Variants in KAT7 observed in about 807,000 individuals in gnomAD.
KAT7 encodes histone acetyltransferase KAT7.
In KAT7, 10 loss-of-function variants were observed where a neutral mutation model predicts 82.1. That is an observed-to-expected ratio of 0.12 (90% confidence interval 0.08 to 0.21). KAT7 has a LOEUF of 0.21. KAT7 is among the 10% of genes least tolerant of loss of function. The pLI is 1.00. For missense variants in KAT7, 378 were observed against 760.9 expected (o/e 0.50, Z 5.92); for synonymous variants, 250 against 262.5 (o/e 0.95, Z 0.46).
At chr17:49,801,221 A>G (rs773068166) in intron 4 of KAT7, among the ~76,000 whole-genome samples, 4 of 152,156 alleles carry the variant, frequency 2.6e-5, no homozygotes, top group Non-Finnish European at 2.9e-5. Context: ...GTCTCACTCT[A>G]TAATTACCAG....
chr17:49,809,345 G>T, intron 6 of KAT7, 137 bp downstream of exon 6: 1 of 645,876 alleles, frequency 1.5e-6, no homozygotes, highest in East Asian at 2.8e-5. Context: ...AATCATGTTT[G>T]TTTTTCAAAC....
chr17:49,788,974 A>T (rs2073845591), intron 1 of KAT7, 125 bp downstream of exon 1: 1 of 899,540 alleles, frequency 1.1e-6, no homozygotes. Flanking sequence ...TTGTTCAGCT[A>T]CCCTCTCTTC....
chr17:49,825,133 GGTTA>G (rs1309671246), intron 12 of KAT7, among the ~76,000 whole-genome samples: 1 of 152,030 alleles, frequency 6.6e-6, no homozygotes, highest in Non-Finnish European at 1.5e-5. Context: ...GAAGAAAGCA[GGTTA>G]GTTGTCTAAA....
chr17:49,824,782 A>C (rs1422698120), intron 12 of KAT7: 1 of 152,208 alleles, frequency 6.6e-6, no homozygotes, highest in Non-Finnish European at 1.5e-5. Flanking sequence ...GAAATTTTTA[A>C]GCATTAACAA....
At chr17:49,811,729 C>G (rs2074168174) in intron 7 of KAT7, among the ~76,000 whole-genome samples, 155 bp downstream of exon 7, 1 of 152,138 alleles carries the variant, frequency 6.6e-6, no homozygotes, top group Non-Finnish European at 1.5e-5. Flanking sequence ...TTTATTTCAT[C>G]CCCCAAAACT....
chr17:49,825,635 T>C (rs998560991), intron 12 of KAT7, among the ~76,000 whole-genome samples: 2 of 152,248 alleles, frequency 1.3e-5, no homozygotes, highest in Non-Finnish European at 2.9e-5. Flanking sequence ...GTTTTACTAT[T>C]ACTCTCTTCC....
intron 5 of KAT7, among the ~76,000 whole-genome samples, chr17:49,807,674 A>G (rs2074108371): frequency 6.6e-6 from 1 of 152,138 alleles, no homozygotes; most frequent in Admixed American, 6.6e-5. Context: ...GATGCAGGGT[A>G]TAGGGTGCTT....
chr17:49,826,655 G>A (rs1341371382), intron 13 of KAT7, 38 bp from the exon 14 acceptor site: 1 of 1,435,016 alleles, frequency 7.0e-7, no homozygotes, highest in Admixed American at 1.7e-5. Flanking sequence ...GTGGGAACCT[G>A]CACTTTGGCC....
intron 5 of KAT7, among the ~76,000 whole-genome samples, chr17:49,807,898 T>G (rs2074110978): frequency 6.6e-6 from 1 of 151,996 alleles, no homozygotes; most frequent in Admixed American, 6.6e-5. Context: ...AGTATTGCCA[T>G]TTATTAATAC....
chr17:49,819,524 C>T (rs1222163155), intron 9 of KAT7, among the ~76,000 whole-genome samples: 2 of 152,030 alleles, frequency 1.3e-5, no homozygotes, highest in East Asian at 1.9e-4. Context: ...TGTTGAGTGA[C>T]ACAAACCAAT....
At position 49,809,746 on chromosome 17, in the gene KAT7, C is replaced by G. The variant is rs139431783; in HGVS notation, c.753+538C>G. ...CTTCCCTAAATGCCTTTGGTCTTCACTCTTCCTGTTTTCCTGCCTGGAACG... is the reference window on the plus strand; with the variant it reads ...CTTCCCTAAATGCCTTTGGTCTTCAGTCTTCCTGTTTTCCTGCCTGGAACG... On this transcript the variant is annotated intron_variant, in intron 6 of 14. Transcript: ENST00000259021. 2.0e-5 allele frequency among the ~76,000 whole-genome samples: 3 copies of G among 152,304 alleles called. No individual in the cohort carries two copies. In the East Asian group the frequency reaches 5.8e-4, roughly 29 times the overall value.
rs1218140843 is a variant in KAT7 at position 49,828,999 on chromosome 17, A to G, written c.*1497A>G. On this transcript the variant is annotated 3_prime_UTR_variant, in exon 15 of 15. Coordinates refer to ENST00000259021, the MANE Select transcript of KAT7 (RefSeq NM_007067.5). Reference sequence around the variant, plus strand: ...AGCAACTTCACTAGGGGTTTTCTTAAGGGATAAAGGCCTTTTACAGAAGCT... The same window carrying G: ...AGCAACTTCACTAGGGGTTTTCTTAGGGGATAAAGGCCTTTTACAGAAGCT... 4.6e-5 allele frequency: 7 copies of G among 152,722 alleles called. No homozygotes were observed. The highest frequency in any genetic ancestry group is 1.7e-4 in the African/African-American group (7 of 41,450). The allele number at this position is 152,722 out of a possible 1,614,324, so 9.5% of individuals were successfully genotyped here.
chr17:49,827,310 A>G, intron 14 of KAT7, 91 bp from the exon 15 acceptor site: 11 of 776,634 alleles, frequency 1.4e-5, no homozygotes, highest in Non-Finnish European at 2.3e-5. Flanking sequence ...AACCTTTGGC[A>G]ATTCCTTCTT....
At position 49,834,687 on chromosome 17, in the gene KAT7, C is replaced by T. The variant is rs1451809283; in HGVS notation, c.*7185C>T. The T allele has an allele frequency of 6.6e-6, 1 of 152,150 alleles. No homozygotes were observed. The highest frequency in any genetic ancestry group is 1.5e-5 in the Non-Finnish European group (1 of 68,034). The allele number at this position is 152,150 out of a possible 1,614,324, so 9.4% of individuals were successfully genotyped here. ...ACTTCAACGTTCCATGAAGTGTGTT[C>T]CATTAAATACCAAAGTATAGGCAAA... On this transcript the variant is annotated 3_prime_UTR_variant, in exon 15 of 15. Coordinates refer to ENST00000259021, the MANE Select transcript of KAT7 (RefSeq NM_007067.5).
chr17:49,797,338 C>T (rs1283190196), intron 3 of KAT7, among the ~76,000 whole-genome samples: 1 of 152,160 alleles, frequency 6.6e-6, no homozygotes, highest in African/African-American at 2.4e-5. Context: ...GCTGGGATTA[C>T]AGGTATAAGC....
At chr17:49,827,074 T>G in intron 14 of KAT7, 1 of 438,390 alleles carries the variant, frequency 2.3e-6, no homozygotes, top group Non-Finnish European at 4.1e-6. Flanking sequence ...CATTTGATGT[T>G]TTTCTTAGGT....
In KAT7 at chr17:49,828,754, C is replaced by T. The variant is rs1262404817; in HGVS notation, c.*1252C>T. 1.3e-5 allele frequency: 2 copies of T among 153,210 alleles called. No individual in the cohort carries two copies. The highest frequency in any genetic ancestry group is 2.9e-5 in the Non-Finnish European group (2 of 68,046). The allele number at this position is 153,210 out of a possible 1,614,324, so 9.5% of individuals were successfully genotyped here. On this transcript the variant is annotated 3_prime_UTR_variant, in exon 15 of 15. Coordinates refer to ENST00000259021, the MANE Select transcript of KAT7 (RefSeq NM_007067.5). Reference sequence around the variant, plus strand: ...ATTATAACCTGCTATCTTGGGGCAACTTTTGATGTATGACATGTCACCCTT... The same window carrying T: ...ATTATAACCTGCTATCTTGGGGCAATTTTTGATGTATGACATGTCACCCTT...
chr17:49,794,746 A>C (rs1598051719), intron 2 of KAT7, among the ~76,000 whole-genome samples: 1 of 152,260 alleles, frequency 6.6e-6, no homozygotes, highest in South Asian at 2.1e-4. Flanking sequence ...TAAATATTCA[A>C]AACAGCTAGG....
rs2074445503 is a variant in KAT7, at chr17:49,834,243, GCTCCAGCTATCCTCCCAC to G, written c.*6745_*6762del. The stretch of plus-strand genomic sequence containing the variant: ...GCTCACTGCTGCGTCGCCTTCCCAG[GCTCCAGCTATCCTCCCAC>G]CTCAACCTCCAGAGTAGTTGAGACC... On this transcript the variant is annotated 3_prime_UTR_variant, in exon 15 of 15. Transcript: ENST00000259021. 1 of 152,222 alleles carries G rather than the reference GCTCCAGCTATCCTCCCAC, an allele frequency of 6.6e-6. No individual in the cohort carries two copies. Among genetic ancestry groups the G allele is most frequent in the Non-Finnish European group, 1.5e-5 (1 of 68,058 alleles). 9.4% of individuals were successfully genotyped at this position (152,222 alleles called of 1,614,324 possible).
Sources: allele counts gnomAD v4.1 joint callset (sites outside exome capture counted in the v4.1 genomes callset), GRCh38; gene constraint gnomAD v4.1.1; transcripts MANE v1.5; gene names NCBI Gene and HGNC (gene_info 2026-07-23, HGNC 2026-07-21).